Variants in NCKAP5 observed in about 807,000 individuals in gnomAD.
The protein encoded by NCKAP5 is nck-associated protein 5.
In NCKAP5, 92 loss-of-function variants were observed where a neutral mutation model predicts 167.0. The observed-to-expected ratio is 0.55, with a 90% CI of 0.47 to 0.66. The LOEUF is 0.66. Among genes scored for constraint, NCKAP5 ranks in the 30% least tolerant of loss-of-function variants. The pLI is 0.00. For synonymous variants in NCKAP5, 891 were observed against 877.4 expected, an observed-to-expected ratio of 1.02 and a Z score of -0.27; for missense variants, 2,378 against 2,315.0, an observed-to-expected ratio of 1.03 and a Z score of -0.56.
intron 6 of NCKAP5, among the ~76,000 whole-genome samples, chr2:133,026,268 C>T (rs1319710425): frequency 6.6e-6 from 1 of 151,880 alleles, no homozygotes; most frequent in Non-Finnish European, 1.5e-5. Context: ...GGATAGATTG[C>T]AAAAATTTTC....
the NCKAP5 span, among the ~76,000 whole-genome samples, chr2:133,598,080 C>T: frequency 6.6e-6 from 1 of 152,220 alleles, no homozygotes; most frequent in African/African-American, 2.4e-5. Context: ...TGCTCTATCA[C>T]TTACATGCTG....
At chr2:133,318,781 C>T (rs1378391907) in intron 3 of NCKAP5, among the ~76,000 whole-genome samples, 1 of 152,140 alleles carries the variant, frequency 6.6e-6, no homozygotes, top group Non-Finnish European at 1.5e-5. Context: ...CTCAGCGCTG[C>T]CCTTCACATG....
At chr2:133,472,234 A>T (rs34224221) in intron 3 of NCKAP5, among the ~76,000 whole-genome samples, 4,548 of 152,134 alleles carry the variant, frequency 0.03, 116 homozygotes, top group Non-Finnish European at 0.039. Flanking sequence ...ATGTGAGAAA[A>T]ACATGTTTTC....
At chr2:133,146,021 C>T (rs2083182486) in intron 5 of NCKAP5, among the ~76,000 whole-genome samples, 1 of 152,060 alleles carries the variant, frequency 6.6e-6, no homozygotes, top group African/African-American at 2.4e-5. Context: ...ATTATTGTTT[C>T]TGCAACCATA....
At chr2:133,061,354 T>C (rs1477819281) in intron 6 of NCKAP5, among the ~76,000 whole-genome samples, 1 of 152,240 alleles carries the variant, frequency 6.6e-6, no homozygotes, top group East Asian at 1.9e-4. Context: ...CACCGTACTA[T>C]AGGCATTTGT....
At chr2:133,003,025 C>T (rs1020411752) in intron 6 of NCKAP5, among the ~76,000 whole-genome samples, 1 of 152,186 alleles carries the variant, frequency 6.6e-6, no homozygotes, top group Non-Finnish European at 1.5e-5. Flanking sequence ...AAATATCTAA[C>T]TGTTCTTTTT....
intron 11 of NCKAP5, among the ~76,000 whole-genome samples, chr2:132,816,212 A>G (rs1574312545): frequency 6.6e-6 from 1 of 152,114 alleles, no homozygotes; most frequent in East Asian, 1.9e-4. Context: ...TGTTTTTAGG[A>G]TCTGGGGCAC....
chr2:133,387,504 G>A (rs1687072564), intron 3 of NCKAP5, among the ~76,000 whole-genome samples: 1 of 152,134 alleles, frequency 6.6e-6, no homozygotes, highest in African/African-American at 2.4e-5. Flanking sequence ...CAACTTTGAT[G>A]AATCTGACAA....
intron 2 of NCKAP5, among the ~76,000 whole-genome samples, chr2:133,558,436 A>G (rs949616749): frequency 2.2e-4 from 34 of 152,108 alleles, no homozygotes; most frequent in Admixed American, 2.2e-3. Context: ...AGATTGAGAA[A>G]TAAGGTGGCA....
At chr2:133,388,203 C>T (rs939115874) in intron 3 of NCKAP5, among the ~76,000 whole-genome samples, 17 of 152,136 alleles carry the variant, frequency 1.1e-4, no homozygotes, top group African/African-American at 3.4e-4. Context: ...ATGATGGTGA[C>T]GTACAGATGG....
intron 5 of NCKAP5, among the ~76,000 whole-genome samples, chr2:133,188,313 G>A (rs1265263620): frequency 6.6e-6 from 1 of 152,028 alleles, no homozygotes; most frequent in Non-Finnish European, 1.5e-5. Context: ...AAGAGACTCA[G>A]ACTCCCACAC....
intron 11 of NCKAP5, among the ~76,000 whole-genome samples, chr2:132,851,658 C>A (rs1176538598): frequency 6.6e-6 from 1 of 152,106 alleles, no homozygotes; most frequent in Non-Finnish European, 1.5e-5. Context: ...TGGTATCTAC[C>A]CTCCCCTCCC....
chr2:133,497,556 C>T (rs1682054305), intron 3 of NCKAP5, among the ~76,000 whole-genome samples: 1 of 152,184 alleles, frequency 6.6e-6, no homozygotes, highest in South Asian at 2.1e-4. Context: ...GACAATGGTG[C>T]TGCCTCCCTT....
At chr2:132,810,463 A>C (rs1685779583) in intron 11 of NCKAP5, among the ~76,000 whole-genome samples, 1 of 151,978 alleles carries the variant, frequency 6.6e-6, no homozygotes, top group African/African-American at 2.4e-5. Flanking sequence ...GGCTTTGTTC[A>C]TATTTTCTTA....
At chr2:132,793,161 C>T (rs569079548) in intron 12 of NCKAP5, among the ~76,000 whole-genome samples, 158 of 152,322 alleles carry the variant, frequency 1.0e-3, no homozygotes, top group African/African-American at 3.7e-3. Flanking sequence ...AGGCATGTGC[C>T]ACCACACCTG....
intron 3 of NCKAP5, among the ~76,000 whole-genome samples, chr2:133,498,644 C>A (rs1169337326): frequency 3.4e-5 from 5 of 149,124 alleles, no homozygotes; most frequent in Admixed American, 3.3e-4. Context: ...TTTATGCATC[C>A]ATAAAAATAA....
chr2:133,389,002 G>T (rs985094793), intron 3 of NCKAP5, among the ~76,000 whole-genome samples: 21 of 152,172 alleles, frequency 1.4e-4, no homozygotes, highest in Admixed American at 6.5e-5. Context: ...GTGATGCCTC[G>T]CCCTGCTTTG....
At chr2:133,039,437 C>A (rs1468958594) in intron 6 of NCKAP5, among the ~76,000 whole-genome samples, 1 of 152,132 alleles carries the variant, frequency 6.6e-6, no homozygotes, top group Non-Finnish European at 1.5e-5. Context: ...ATCAGCACAT[C>A]CATGCAGCTT....
chr2:133,478,119 C>T (rs1248314231), intron 3 of NCKAP5, among the ~76,000 whole-genome samples: 2 of 152,158 alleles, frequency 1.3e-5, no homozygotes, highest in African/African-American at 2.4e-5. Context: ...TAAGGACTCC[C>T]TCATGAAGAA....
Sources: allele counts gnomAD v4.1 joint callset (sites outside exome capture counted in the v4.1 genomes callset), GRCh38; gene constraint gnomAD v4.1.1; transcripts MANE v1.5; gene names NCBI Gene and HGNC (gene_info 2026-07-23, HGNC 2026-07-21).